The following ARHGAP32 variants were observed in gnomAD, a reference collection of about 807,000 sequenced individuals.
ARHGAP32 encodes Rho GTPase activating protein 32, also known as rho GTPase-activating protein 32.
ARHGAP32 carries 51 observed loss-of-function variants against 186.5 expected under a neutral mutation model. That is an observed-to-expected ratio of 0.27 (90% CI 0.22 to 0.35). The LOEUF (loss-of-function observed/expected upper bound fraction) is 0.35. ARHGAP32 is among the 10% of genes least tolerant of loss of function. The pLI is 1.00. For synonymous variants in ARHGAP32, 950 were observed against 964.3 expected (o/e 0.99, Z 0.27); for missense variants, 2,186 against 2,623.5 (o/e 0.83, Z 3.64).
At chr11:129,080,324 A>T (rs1941184003) in intron 6 of ARHGAP32, among the ~76,000 whole-genome samples, 1 of 152,154 alleles carries the variant, frequency 6.6e-6, no homozygotes, top group African/African-American at 2.4e-5. Flanking sequence ...TATATGGATC[A>T]TTCTCCAAGA....
At chr11:128,998,235 TA>T in intron 12 of ARHGAP32, 83 bp downstream of exon 12, 2 of 1,183,666 alleles carry the variant, frequency 1.7e-6, no homozygotes, top group African/African-American at 3.1e-5. Context: ...ATCATTTGAC[TA>T]AATCTACTCC....
intron 1 of ARHGAP32, among the ~76,000 whole-genome samples, chr11:129,277,933 T>C (rs2135738197): frequency 6.6e-6 from 1 of 152,296 alleles, no homozygotes; most frequent in African/African-American, 2.4e-5. Context: ...CTTCAATGTA[T>C]CCAATAAGGA....
chr11:128,998,498 G>C (rs746188506), intron 11 of ARHGAP32, 30 bp from the exon 12 acceptor site: 2 of 1,494,708 alleles, frequency 1.3e-6, no homozygotes, highest in East Asian at 4.7e-5. Flanking sequence ...AAAGATCTTA[G>C]TTGTGGCAAG....
chr11:129,246,274 T>C (rs1342009726), intron 1 of ARHGAP32, among the ~76,000 whole-genome samples: 4 of 152,192 alleles, frequency 2.6e-5, no homozygotes, highest in African/African-American at 9.7e-5. Context: ...CAGAGAAACG[T>C]ACCCAAATGT....
chr11:129,211,326 C>T (rs996641909), intron 1 of ARHGAP32, among the ~76,000 whole-genome samples: 1 of 152,076 alleles, frequency 6.6e-6, no homozygotes, highest in African/African-American at 2.4e-5. Context: ...GTTACAACCA[C>T]AAGATTTCTC....
At chr11:129,064,984 G>A in intron 7 of ARHGAP32, 51 bp from the exon 8 acceptor site, 2 of 1,429,528 alleles carry the variant, frequency 1.4e-6, no homozygotes, top group African/African-American at 1.4e-5. Flanking sequence ...TATGCTCTCT[G>A]GCAGGGAAAA....
intron 2 of ARHGAP32, among the ~76,000 whole-genome samples, chr11:129,138,817 C>T (rs965101621): frequency 2.0e-5 from 3 of 152,088 alleles, no homozygotes; most frequent in East Asian, 1.9e-4. Flanking sequence ...AACAAAATAG[C>T]GTATTGAGAG....
chr11:129,126,200 C>T (rs1942656506), intron 2 of ARHGAP32, among the ~76,000 whole-genome samples: 1 of 152,060 alleles, frequency 6.6e-6, no homozygotes. Flanking sequence ...AAGAGCCAGG[C>T]GGTAAATATT....
intron 1 of ARHGAP32, among the ~76,000 whole-genome samples, chr11:129,188,726 A>G (rs1038057654): frequency 1.3e-5 from 2 of 152,218 alleles, no homozygotes; most frequent in East Asian, 1.9e-4. Flanking sequence ...TCACCAAATC[A>G]TCCAGTTTAA....
chr11:129,275,749 A>G (rs185861730), intron 1 of ARHGAP32, among the ~76,000 whole-genome samples: 157 of 152,330 alleles, frequency 1.0e-3, no homozygotes, highest in African/African-American at 3.6e-3. Flanking sequence ...GGACACTGAC[A>G]TTTGCGTTTT....
chr11:129,146,802 T>C (rs997049680), intron 2 of ARHGAP32, among the ~76,000 whole-genome samples: 50 of 152,074 alleles, frequency 3.3e-4, no homozygotes, highest in Non-Finnish European at 6.3e-4. Flanking sequence ...AAAACTAATA[T>C]TCTGATGTCA....
chr11:129,268,354 T>A (rs376926424), intron 1 of ARHGAP32, among the ~76,000 whole-genome samples: 352 of 152,300 alleles, frequency 2.3e-3, no homozygotes, highest in African/African-American at 8.3e-3. Context: ...TAGAATGAGA[T>A]ACATTTCCTA....
In ARHGAP32 at chr11:128,969,589, C is replaced by T; in HGVS notation, c.5624G>A (p.Ser1875Asn). The T allele has an allele frequency of 6.2e-7, 1 of 1,614,140 alleles. No individual in the cohort carries two copies. The highest frequency in any genetic ancestry group is 8.5e-7 in the Non-Finnish European group (1 of 1,180,032). The change falls in exon 23 of 23, where the codon AGC becomes AAC. Residue 1875 changes from serine (S) to asparagine (N), a missense_variant. Around this residue, in one of 5 missense-constraint regions of ARHGAP32, gnomAD observed 1,502 missense variants for 1,570.0 expected, o/e 0.96. Coordinates refer to ENST00000682385, the MANE Select transcript of ARHGAP32 (RefSeq NM_001378024.1). This position sits in a 1 kb window ranked among gnomAD's most constrained non-coding sequence, Gnocchi z 4.8. The part of the protein sequence containing the change: ...EKPSLPQKQS[S>N]LRSRKLPDMG... ...GTCAGGAAGCTTCCTGCTCCTCAGGCTGCTCTGCTTCTGAGGCAGGGATGG... is the reference window on the plus strand; with the variant it reads ...GTCAGGAAGCTTCCTGCTCCTCAGGTTGCTCTGCTTCTGAGGCAGGGATGG...
intron 1 of ARHGAP32, among the ~76,000 whole-genome samples, chr11:129,185,080 G>A (rs1039814454): frequency 3.3e-5 from 5 of 152,156 alleles, no homozygotes; most frequent in African/African-American, 1.2e-4. Context: ...AATACCATTT[G>A]ACCCAGCCAT....
chr11:128,969,921 G>A lies in ARHGAP32; in HGVS notation c.5292C>T (p.Tyr1764=), dbSNP rs777997594. The part of the protein sequence containing the change: ...TSWDLEDMEK[Y]RMQSIRRESR... ...TCTCTCTCCGGATGGACTGCATGCG[G>A]TATTTTTCCATGTCCTCAAGATCCC... is the stretch of plus-strand genomic sequence containing the variant. The change falls in exon 23 of 23, where the codon TAC becomes TAT. Residue 1764 remains tyrosine, a synonymous_variant. Coordinates refer to ENST00000682385, the MANE Select transcript of ARHGAP32 (RefSeq NM_001378024.1). This position sits in a 1 kb window ranked among gnomAD's most constrained non-coding sequence, Gnocchi z 4.8. The A allele has an allele frequency of 1.5e-5, 24 of 1,614,062 alleles. No individual in the cohort carries two copies. The highest frequency in any genetic ancestry group is 2.2e-5 in the East Asian group (1 of 44,884).
chr11:129,086,665 CA>C (rs1350336890), intron 6 of ARHGAP32, among the ~76,000 whole-genome samples: 1 of 151,752 alleles, frequency 6.6e-6, no homozygotes, highest in Non-Finnish European at 1.5e-5. Context: ...ACTAAAAATA[CA>C]AAAAATTAGC....
intron 2 of ARHGAP32, among the ~76,000 whole-genome samples, chr11:129,130,718 G>A (rs1942790470): frequency 6.6e-6 from 1 of 152,160 alleles, no homozygotes; most frequent in Non-Finnish European, 1.5e-5. Context: ...GGGTACCAGT[G>A]TTGGCAAAGA....
In ARHGAP32 at chr11:128,966,241, A is replaced by G. The variant is rs1265586521; in HGVS notation, c.*2666T>C. 3 of 152,222 alleles carry G rather than the reference A, an allele frequency of 2.0e-5. No homozygotes were observed. The highest frequency in any genetic ancestry group is 4.8e-5 in the African/African-American group (2 of 41,458). The allele number at this position is 152,222 out of a possible 1,614,324, so 9.4% of individuals were successfully genotyped here. ...CGGGTTTAATGTATAAGGCAGCTCC[A>G]TTTCCTTGATCATAATGCTCCATGT... On this transcript the variant is annotated 3_prime_UTR_variant, in exon 23 of 23. Transcript: ENST00000682385.
At chr11:129,278,792 G>A (rs1429686506) in intron 1 of ARHGAP32, among the ~76,000 whole-genome samples, 3 of 151,238 alleles carry the variant, frequency 2.0e-5, no homozygotes, top group Non-Finnish European at 1.5e-5. Context: ...CGGTGTCCCT[G>A]GAGCCCCCAC....
Sources: gnomAD v4.1 joint callset for allele counts (sites outside exome capture counted in the v4.1 genomes callset) on GRCh38, gnomAD v4.1.1 for gene constraint, gnomAD v4.1.1 regional missense constraint, Gnocchi (gnomAD v3.1) non-coding constraint, MANE v1.5 for transcripts, NCBI Gene and HGNC (gene_info 2026-07-23, HGNC 2026-07-21) for gene names.